Variants in BTBD7 observed in about 807,000 individuals in gnomAD.
The protein encoded by BTBD7 is BTB/POZ domain-containing protein 7.
In BTBD7, 38 loss-of-function variants were observed where a neutral mutation model predicts 99.9. That is an observed-to-expected ratio of 0.38 (90% CI 0.29 to 0.50). BTBD7 has a LOEUF of 0.50. Ranked by LOEUF, BTBD7 falls within the 20% of genes least tolerant of loss-of-function variation. The pLI, the probability that BTBD7 is intolerant of heterozygous loss-of-function variation, is 0.93. For synonymous variants in BTBD7, 520 were observed against 511.4 expected, an observed-to-expected ratio of 1.02 and a Z score of -0.23; for missense variants, 1,170 against 1,394.6, an observed-to-expected ratio of 0.84 and a Z score of 2.57.
intron 1 of BTBD7, among the ~76,000 whole-genome samples, 163 bp from the exon 2 acceptor site, chr14:93,296,320 A>G (rs1157118236): frequency 6.6e-6 from 1 of 152,222 alleles, no homozygotes; most frequent in Non-Finnish European, 1.5e-5. Context: ...AGCTTGAATT[A>G]TCTGTGTTAG....
chr14:93,244,583 A>C (rs2052280249), intron 10 of BTBD7, among the ~76,000 whole-genome samples: 1 of 152,186 alleles, frequency 6.6e-6, no homozygotes, highest in African/African-American at 2.4e-5. Flanking sequence ...CGGGAGGCGG[A>C]GATTGCAGTG....
In BTBD7 at chr14:93,294,606, G is replaced by A. The variant is rs2052901074; in HGVS notation, c.414C>T (p.Tyr138=). The A allele has an allele frequency of 2.5e-6, 4 of 1,614,028 alleles. No individual in the cohort carries two copies. Among genetic ancestry groups the A allele is most frequent in the East Asian group, 4.5e-5 (2 of 44,884 alleles). Residue 138 remains tyrosine (Y), a synonymous_variant, in exon 3 of 11, where the codon TAC becomes TAT. Transcript: ENST00000334746. ...LQKDMADLYE[Y]KYCTDVDLIF... Reference sequence around the variant, plus strand: ...TTAAGTCTACATCAGTACAATACTTGTACTCATAAAGATCAGCCATATCTT... The same window carrying A: ...TTAAGTCTACATCAGTACAATACTTATACTCATAAAGATCAGCCATATCTT...
rs140935955 is a variant in BTBD7, at chr14:93,283,218, C to T, written c.1162+10640G>A. ...TCAGCCTCCTGAGGAGCTGAGACTA[C>T]AAGTGTGTGCCACCCACTCGGCTAA... On this transcript the variant is annotated intron_variant, in intron 3 of 10. Transcript: ENST00000334746. 5.8e-3 allele frequency among the ~76,000 whole-genome samples: 887 copies of T among 152,242 alleles called. 12 individuals carry two copies. The highest frequency in any genetic ancestry group is 0.051 in the Middle Eastern group (15 of 294).
intron 3 of BTBD7, among the ~76,000 whole-genome samples, chr14:93,283,348 G>A (rs1393757137): frequency 2.0e-5 from 3 of 152,152 alleles, no homozygotes; most frequent in Non-Finnish European, 4.4e-5. Flanking sequence ...AAAGTGTTGG[G>A]ATTACAAGTG....
intron 1 of BTBD7, among the ~76,000 whole-genome samples, chr14:93,311,937 ATT>A (rs1333152530): frequency 6.6e-6 from 1 of 151,778 alleles, no homozygotes; most frequent in African/African-American, 2.4e-5. Flanking sequence ...ATAATTAAAC[ATT>A]TAAGTGAGTA....
intron 1 of BTBD7, among the ~76,000 whole-genome samples, chr14:93,324,805 C>T (rs1457142834): frequency 6.6e-6 from 1 of 152,206 alleles, no homozygotes; most frequent in Non-Finnish European, 1.5e-5. Context: ...AACTCTACTA[C>T]TGGAGGTGGT....
Position 93,238,742 on chromosome 14 carries a change from T to C in BTBD7, c.*3531A>G, listed in dbSNP as rs2052188321. The C allele has an allele frequency of 6.6e-6, 1 of 152,236 alleles. No homozygotes were observed. The highest frequency in any genetic ancestry group is 2.1e-4 in the South Asian group (1 of 4,832). 9.4% of individuals were successfully genotyped at this position (152,236 alleles called of 1,614,324 possible). ...CCTTTCAACTCTAGAGAATGATGCA[T>C]GGAGGTCGGCTTTGAGCCCCACTGC... On this transcript the variant is annotated 3_prime_UTR_variant, in exon 11 of 11. Coordinates refer to ENST00000334746, the MANE Select transcript of BTBD7 (RefSeq NM_001002860.4).
chr14:93,248,672 G>A lies in BTBD7; in HGVS notation c.1943-18C>T. The A allele has an allele frequency of 6.3e-7, 1 of 1,574,936 alleles. No homozygotes were observed. The highest frequency in any genetic ancestry group is 8.6e-7 in the Non-Finnish European group (1 of 1,161,558). On this transcript the variant is annotated intron_variant, in intron 8 of 10. Transcript: ENST00000334746. ...ACGAGGAACTGGAAGGAGAACAACA[G>A]TGGGCAAGCAAAATTCCTGAGCTAC...
At position 93,285,848 on chromosome 14, in the gene BTBD7, T is replaced by G. The variant is rs575435579; in HGVS notation, c.1162+8010A>C. Among the ~76,000 whole-genome samples, 217 of 152,338 alleles carry G rather than the reference T, an allele frequency of 1.4e-3. 1 individual carries two copies. Among genetic ancestry groups the G allele is most frequent in the African/African-American group, 5.0e-3 (206 of 41,574 alleles). On this transcript the variant is annotated intron_variant, in intron 3 of 10. Transcript: ENST00000334746. The stretch of plus-strand genomic sequence containing the variant: ...ACCAATCAGGCTTCTTATGGTGCAA[T>G]AGCAGAAAACAAGTCTAGTTGGCTT...
chr14:93,291,085 A>G (rs1460000600), intron 3 of BTBD7, among the ~76,000 whole-genome samples: 1 of 144,112 alleles, frequency 6.9e-6, no homozygotes, highest in Non-Finnish European at 1.5e-5. Context: ...CTCCTGCCTC[A>G]GCCTCTCAAA....
chr14:93,296,855 G>T (rs1234921966), intron 1 of BTBD7, among the ~76,000 whole-genome samples: 1 of 152,110 alleles, frequency 6.6e-6, no homozygotes, highest in African/African-American at 2.4e-5. Context: ...TAAATGGACA[G>T]GCCAGTAGCA....
chr14:93,271,373 G>C (rs983358452), intron 3 of BTBD7, among the ~76,000 whole-genome samples: 1 of 152,122 alleles, frequency 6.6e-6, no homozygotes, highest in Admixed American at 6.6e-5. Flanking sequence ...GAGGAAGGAG[G>C]AAACAGGCAA....
intron 1 of BTBD7, among the ~76,000 whole-genome samples, chr14:93,324,565 A>T (rs1026808240): frequency 1.3e-5 from 2 of 152,174 alleles, no homozygotes; most frequent in African/African-American, 4.8e-5. Flanking sequence ...GTTACCAAGG[A>T]TCCAGATACC....
At position 93,253,776 on chromosome 14, in the gene BTBD7, C is replaced by G; in HGVS notation, c.1623G>C (p.Leu541Phe). 6.3e-7 allele frequency: 1 copy of G among 1,585,486 alleles called. No homozygotes were observed. The highest frequency in any genetic ancestry group is 8.6e-7 in the Non-Finnish European group (1 of 1,163,044). Residue 541 changes from leucine (L) to phenylalanine (F), a missense_variant, in exon 7 of 11, where the codon TTG (leucine) becomes TTC (phenylalanine). Physicochemically the swap from Leu to Phe is conservative, Grantham distance 22. Coordinates refer to ENST00000334746, the MANE Select transcript of BTBD7 (RefSeq NM_001002860.4). ...GCATATCTGATGGAGGAGTACTAAT[C>G]AAGCCTCTTTTCATCTAAAAAAAAA... ...EVLSDAMKRG[L>F]ISTPPSDMLP...
In BTBD7 at chr14:93,310,692, T is replaced by C. The variant is rs1451112503; in HGVS notation, c.-106-14535A>G. On this transcript the variant is annotated intron_variant, in intron 1 of 10. Coordinates refer to ENST00000334746, the MANE Select transcript of BTBD7 (RefSeq NM_001002860.4). ...CTGGGAGGTGGAGGTTGCAGTGAGCTGAGATAGTACCATTGCACTCTAGCC... is the reference window on the plus strand; with the variant it reads ...CTGGGAGGTGGAGGTTGCAGTGAGCCGAGATAGTACCATTGCACTCTAGCC... 1.3e-5 allele frequency among the ~76,000 whole-genome samples: 2 copies of C among 151,310 alleles called. 1 individual carries two copies. The highest frequency in any genetic ancestry group is 4.9e-5 in the African/African-American group (2 of 41,066).
At chr14:93,276,610 G>A (rs1192906109) in intron 3 of BTBD7, among the ~76,000 whole-genome samples, 1 of 152,170 alleles carries the variant, frequency 6.6e-6, no homozygotes, top group African/African-American at 2.4e-5. Context: ...GTGAATACTG[G>A]AAATGAGAAG....
chr14:93,269,104 G>C (rs931644065), intron 3 of BTBD7, among the ~76,000 whole-genome samples: 3 of 152,026 alleles, frequency 2.0e-5, no homozygotes, highest in Admixed American at 2.0e-4. Flanking sequence ...AACTTATTTA[G>C]AACTACTTCT....
intron 1 of BTBD7, among the ~76,000 whole-genome samples, chr14:93,329,950 G>T (rs2053381734): frequency 6.6e-6 from 1 of 152,126 alleles, no homozygotes; most frequent in South Asian, 2.1e-4. Flanking sequence ...GGTTAAGATG[G>T]TAAATTGTAT....
Position 93,242,804 on chromosome 14 carries a change from A to G in BTBD7, c.2868T>C (p.Ser956=). 1 of 1,614,228 alleles carries G rather than the reference A, an allele frequency of 6.2e-7. No individual in the cohort carries two copies. The highest frequency in any genetic ancestry group is 2.2e-5 in the East Asian group (1 of 44,884). ...YDFSNAACRP[S]TPALSRRTPS... Reference sequence around the variant, plus strand: ...GGGTGCGTCTGCTGAGAGCAGGAGTAGAAGGTCTGCAAGCAGCATTTGAGA... The same window carrying G: ...GGGTGCGTCTGCTGAGAGCAGGAGTGGAAGGTCTGCAAGCAGCATTTGAGA... The change falls in exon 11 of 11, where the codon TCT becomes TCC. Residue 956 remains serine (S), a synonymous_variant. Transcript: ENST00000334746.
Sources: allele counts gnomAD v4.1 joint callset (sites outside exome capture counted in the v4.1 genomes callset), GRCh38; gene constraint gnomAD v4.1.1; transcripts MANE v1.5; gene names NCBI Gene and HGNC (gene_info 2026-07-23, HGNC 2026-07-21).